GRXCR2: variants seen among roughly 807,000 people sequenced by gnomAD.
GRXCR2 encodes the protein glutaredoxin and cysteine rich domain containing 2.
A neutral mutation model predicts 24.8 loss-of-function variants in GRXCR2; 23 were observed. That is an observed-to-expected ratio of 0.93 (90% confidence interval 0.67 to 1.32). The LOEUF (loss-of-function observed/expected upper bound fraction) is 1.32, where lower values mean the gene tolerates loss of function less well. Among genes scored for constraint, GRXCR2 ranks in the 40% most tolerant of loss-of-function variants. GRXCR2 has a pLI of 0.00. For missense variants in GRXCR2, 315 were observed against 303.4 expected (o/e 1.04, Z -0.28); for synonymous variants, 130 against 116.1 (o/e 1.12, Z -0.77).
At chr5:145,892,278 A>T (rs1317169380) in intron 2 of GRXCR2, among the ~76,000 whole-genome samples, 2 of 152,248 alleles carry the variant, frequency 1.3e-5, no homozygotes, top group Non-Finnish European at 2.9e-5. Flanking sequence ...ACAAAGCTAG[A>T]TGGAGAATGA....
upstream of GRXCR2, among the ~76,000 whole-genome samples, chr5:145,873,627 A>C (rs955019214): frequency 6.6e-6 from 1 of 152,182 alleles, no homozygotes; most frequent in African/African-American, 2.4e-5. Flanking sequence ...TGGTTCTAGA[A>C]GAGGGAATGA....
intron 2 of GRXCR2, among the ~76,000 whole-genome samples, chr5:145,922,940 C>T (rs1178002199): frequency 1.3e-5 from 2 of 152,322 alleles, no homozygotes; most frequent in South Asian, 2.1e-4. Flanking sequence ...ATTATAAAAG[C>T]GGTGCAAGCA....
At chr5:145,888,696 T>G (rs961036227) in intron 2 of GRXCR2, among the ~76,000 whole-genome samples, 1 of 152,218 alleles carries the variant, frequency 6.6e-6, no homozygotes, top group Non-Finnish European at 1.5e-5. Context: ...TAACTATTAC[T>G]ATAAATCTAG....
At chr5:145,918,532 CA>C (rs1757274940) in intron 2 of GRXCR2, among the ~76,000 whole-genome samples, 1 of 152,194 alleles carries the variant, frequency 6.6e-6, no homozygotes, top group Non-Finnish European at 1.5e-5. Context: ...AGAGACTGCC[CA>C]GTCCTGTGGG....
intron 2 of GRXCR2, among the ~76,000 whole-genome samples, chr5:145,887,162 C>T (rs999178692): frequency 2.0e-5 from 3 of 152,226 alleles, no homozygotes; most frequent in Non-Finnish European, 4.4e-5. Context: ...GTAGCACGAT[C>T]GTAGCTCACT....
chr5:145,895,619 A>G (rs530032021), intron 2 of GRXCR2, among the ~76,000 whole-genome samples: 1 of 152,336 alleles, frequency 6.6e-6, no homozygotes, highest in Non-Finnish European at 1.5e-5. Context: ...CCACTGCTCA[A>G]TGAAATAAAA....
At chr5:145,881,377 A>G (rs991794552) in intron 2 of GRXCR2, among the ~76,000 whole-genome samples, 11 of 152,222 alleles carry the variant, frequency 7.2e-5, no homozygotes, top group Non-Finnish European at 1.6e-4. Context: ...GCATTCTTAT[A>G]CACCAATAAC....
intron 2 of GRXCR2, among the ~76,000 whole-genome samples, chr5:145,896,098 G>T (rs923754288): frequency 7.9e-5 from 12 of 152,102 alleles, no homozygotes; most frequent in African/African-American, 2.9e-4. Flanking sequence ...GCTGAAACTG[G>T]ATCCCTTCCT....
intron 2 of GRXCR2, among the ~76,000 whole-genome samples, chr5:145,897,395 A>G (rs977171631): frequency 5.3e-5 from 8 of 152,178 alleles, no homozygotes; most frequent in Middle Eastern, 3.4e-3. Context: ...CACTGACAGC[A>G]TTAGACAGAT....
chr5:145,884,933 G>A (rs1357736218), intron 2 of GRXCR2, among the ~76,000 whole-genome samples: 1 of 152,148 alleles, frequency 6.6e-6, no homozygotes, highest in Non-Finnish European at 1.5e-5. Flanking sequence ...GATTATATTA[G>A]ATATGTGTCT....
intron 2 of GRXCR2, among the ~76,000 whole-genome samples, chr5:145,919,196 A>G (rs989352748): frequency 2.0e-5 from 3 of 152,182 alleles, no homozygotes; most frequent in Non-Finnish European, 2.9e-5. Context: ...TAGACAAATC[A>G]GGGAAAGTGG....
At chr5:145,872,415 C>T (rs971519155) in intron 1 of GRXCR2, among the ~76,000 whole-genome samples, 4 of 152,206 alleles carry the variant, frequency 2.6e-5, no homozygotes, top group Admixed American at 1.3e-4. Flanking sequence ...AATTTGAATA[C>T]TATATATGCT....
chr5:145,903,501 G>A (rs552511879), intron 2 of GRXCR2, among the ~76,000 whole-genome samples: 84 of 147,078 alleles, frequency 5.7e-4, no homozygotes, highest in African/African-American at 1.8e-3. Context: ...ACATTGCAGC[G>A]CTGTGGAAAG....
At chr5:145,882,732 T>C (rs979207324) in intron 2 of GRXCR2, among the ~76,000 whole-genome samples, 12 of 152,124 alleles carry the variant, frequency 7.9e-5, no homozygotes, top group African/African-American at 2.7e-4. Context: ...CGTATGTTTA[T>C]TGTGGCACTA....
chr5:145,893,659 C>T (rs1756904255), intron 2 of GRXCR2, among the ~76,000 whole-genome samples: 1 of 152,162 alleles, frequency 6.6e-6, no homozygotes, highest in Non-Finnish European at 1.5e-5. Context: ...TACAAAGAGA[C>T]TTAGACTCCC....
chr5:145,885,673 C>A (rs1441058430), intron 2 of GRXCR2, among the ~76,000 whole-genome samples: 1 of 152,188 alleles, frequency 6.6e-6, no homozygotes, highest in African/African-American at 2.4e-5. Context: ...TACTAATATA[C>A]TTTGTCAATC....
At chr5:145,911,113 G>A (rs1757160072) in intron 2 of GRXCR2, among the ~76,000 whole-genome samples, 1 of 151,932 alleles carries the variant, frequency 6.6e-6, no homozygotes, top group South Asian at 2.1e-4. Flanking sequence ...ATATGTTCAA[G>A]GTGTACAGCG....
At chr5:145,924,814 A>G (rs149735166) in intron 2 of GRXCR2, among the ~76,000 whole-genome samples, 15 of 152,312 alleles carry the variant, frequency 9.8e-5, no homozygotes, top group African/African-American at 3.6e-4. Context: ...ACAGTAGCCA[A>G]TCCCACCCCC....
intron 2 of GRXCR2, among the ~76,000 whole-genome samples, chr5:145,902,238 C>T (rs139548493): frequency 1.3e-4 from 20 of 152,148 alleles, no homozygotes; most frequent in African/African-American, 4.3e-4. Context: ...GGACTACAGG[C>T]GCATGCCACC....
Sources: gnomAD v4.1 joint callset for allele counts (sites outside exome capture counted in the v4.1 genomes callset) on GRCh38, gnomAD v4.1.1 for gene constraint, MANE v1.5 for transcripts, NCBI Gene and HGNC (gene_info 2026-07-23, HGNC 2026-07-21) for gene names.